Variants in SMIM14 observed in about 807,000 individuals in gnomAD.
The protein encoded by SMIM14 is chromosome 4 open reading frame 34.
In SMIM14, 5 loss-of-function variants were observed where a neutral mutation model predicts 12.6. That is an observed-to-expected ratio of 0.40 (90% CI 0.21 to 0.83). SMIM14 has a LOEUF of 0.83. Among genes scored for constraint, SMIM14 ranks in the 40% least tolerant of loss-of-function variants. SMIM14 has a pLI of 0.37. For missense variants in SMIM14, 86 were observed against 119.1 expected, an observed-to-expected ratio of 0.72 and a Z score of 1.29; for synonymous variants, 30 against 40.1, an observed-to-expected ratio of 0.75 and a Z score of 0.95.
chr4:39,552,491 C>T (rs1711768927), intron 4 of SMIM14, among the ~76,000 whole-genome samples: 1 of 152,160 alleles, frequency 6.6e-6, no homozygotes, highest in African/African-American at 2.4e-5. Flanking sequence ...GATCTTCAAA[C>T]CTATGAAAAT....
intron 3 of SMIM14, among the ~76,000 whole-genome samples, chr4:39,564,839 A>G (rs980547033): frequency 2.0e-5 from 3 of 152,168 alleles, no homozygotes; most frequent in African/African-American, 7.2e-5. Context: ...CTGATTCAGG[A>G]GCCTGTGGGA....
intron 3 of SMIM14, among the ~76,000 whole-genome samples, chr4:39,565,686 T>G (rs1178338293): frequency 6.6e-6 from 1 of 152,190 alleles, no homozygotes; most frequent in Non-Finnish European, 1.5e-5. Flanking sequence ...AACCACTCCA[T>G]CTGTTGTGTT....
intron 1 of SMIM14, among the ~76,000 whole-genome samples, chr4:39,630,550 G>C (rs999724530): frequency 6.6e-6 from 1 of 152,088 alleles, no homozygotes; most frequent in Non-Finnish European, 1.5e-5. Flanking sequence ...AAAATGCTTA[G>C]AACTACTGTG....
At chr4:39,575,367 T>G (rs902958865) in intron 2 of SMIM14, among the ~76,000 whole-genome samples, 3 of 151,642 alleles carry the variant, frequency 2.0e-5, no homozygotes, top group African/African-American at 7.3e-5. Flanking sequence ...TTTTAAAAAA[T>G]TAATTTTAAT....
At position 39,558,290 on chromosome 4, in the gene SMIM14, C is replaced by A. The variant is rs1360708218; in HGVS notation, c.125-1720G>T. Among the ~76,000 whole-genome samples the A allele has an allele frequency of 6.6e-6, 1 of 152,188 alleles. No homozygotes were observed. Among genetic ancestry groups the A allele is most frequent in the African/African-American group, 2.4e-5 (1 of 41,446 alleles). ...ATTGCTTGAGCTCAGGAATTCGAGA[C>A]CAGCCTGGGCGATATGGTGAAACCC... On this transcript the variant is annotated intron_variant, in intron 3 of 4. Coordinates refer to ENST00000295958, the MANE Select transcript of SMIM14 (RefSeq NM_174921.3). This position sits in a 1 kb window ranked among gnomAD's most constrained non-coding sequence, Gnocchi z 4.3.
At chr4:39,571,589 A>T (rs9994559) in intron 3 of SMIM14, among the ~76,000 whole-genome samples, 2,365 of 151,924 alleles carry the variant, frequency 0.016, 49 homozygotes, top group African/African-American at 0.054. Context: ...TTAAAAAAAA[A>T]TTTTTTTAAA....
chr4:39,586,922 G>C (rs1034088809), intron 2 of SMIM14, among the ~76,000 whole-genome samples: 2 of 151,916 alleles, frequency 1.3e-5, no homozygotes, highest in Non-Finnish European at 2.9e-5. Flanking sequence ...TGTAGATAGA[G>C]GTCTTCTTCC....
At chr4:39,576,654 GTATGTGTA>G (rs1358451050) in intron 2 of SMIM14, among the ~76,000 whole-genome samples, 1 of 21,996 alleles carries the variant, frequency 4.5e-5, no homozygotes, top group African/African-American at 1.3e-4. Context: ...ATGTGTGTGT[GTATGTGTA>G]TATATATATA....
At position 39,567,758 on chromosome 4, in the gene SMIM14, T is replaced by G. The variant is rs531147565; in HGVS notation, c.124+4657A>C. On this transcript the variant is annotated intron_variant, in intron 3 of 4. Coordinates refer to ENST00000295958, the MANE Select transcript of SMIM14 (RefSeq NM_174921.3). The stretch of plus-strand genomic sequence containing the variant: ...GTCTCAAAAGAAAGGAAAAAAAAAA[T>G]TAGCTGGGCATGGTTGTATGCTCCT... 4.0e-3 allele frequency among the ~76,000 whole-genome samples: 610 copies of G among 151,278 alleles called. 13 individuals carry two copies. The highest frequency in any genetic ancestry group is 2.1e-3 in the Non-Finnish European group (143 of 67,730).
chr4:39,626,484 A>C (rs1316085287), intron 1 of SMIM14, among the ~76,000 whole-genome samples: 2 of 152,250 alleles, frequency 1.3e-5, no homozygotes, highest in East Asian at 3.9e-4. Context: ...GTGGGATTCA[A>C]ACGCCCTGTC....
intron 2 of SMIM14, among the ~76,000 whole-genome samples, chr4:39,573,402 T>C (rs1713001167): frequency 6.6e-6 from 1 of 152,110 alleles, no homozygotes; most frequent in Non-Finnish European, 1.5e-5. Context: ...CCGTGACCCA[T>C]GTTTTGGTTT....
intron 2 of SMIM14, among the ~76,000 whole-genome samples, chr4:39,597,809 T>G (rs1332425063): frequency 1.3e-5 from 2 of 152,154 alleles, no homozygotes; most frequent in African/African-American, 2.4e-5. Flanking sequence ...TTTTATTTTC[T>G]TCAACTACTT....
intron 2 of SMIM14, among the ~76,000 whole-genome samples, chr4:39,573,897 G>T (rs983191563): frequency 1.3e-5 from 2 of 152,110 alleles, no homozygotes; most frequent in East Asian, 1.9e-4. Flanking sequence ...TTAGAATCAT[G>T]TGATTATCAA....
chr4:39,586,139 A>T (rs1201305948), intron 2 of SMIM14, among the ~76,000 whole-genome samples: 2 of 152,086 alleles, frequency 1.3e-5, no homozygotes, highest in African/African-American at 4.8e-5. Flanking sequence ...TTAGTCTACC[A>T]TACCTTTAGT....
intron 3 of SMIM14, among the ~76,000 whole-genome samples, chr4:39,566,520 C>G (rs537573443): frequency 1.3e-5 from 2 of 152,006 alleles, no homozygotes; most frequent in East Asian, 1.9e-4. Context: ...ACAGACGCAC[C>G]GAGAAAGAAG....
chr4:39,620,863 C>T (rs963095802), intron 1 of SMIM14: 2 of 152,148 alleles, frequency 1.3e-5, no homozygotes, highest in Non-Finnish European at 2.9e-5. Flanking sequence ...CACACACATA[C>T]ATAATTACAA....
intron 3 of SMIM14, among the ~76,000 whole-genome samples, chr4:39,559,628 T>C (rs1348906542): frequency 1.3e-5 from 2 of 152,064 alleles, no homozygotes; most frequent in Non-Finnish European, 2.9e-5. Context: ...GGGAAGGAAT[T>C]GGTGGCACTG....
chr4:39,584,093 G>A (rs1386231299), intron 2 of SMIM14: 1 of 151,914 alleles, frequency 6.6e-6, no homozygotes. Context: ...CATCTCTGCA[G>A]AAGCCCAGTG....
At chr4:39,592,561 T>C (rs1310272297) in intron 2 of SMIM14, 1 of 152,160 alleles carries the variant, frequency 6.6e-6, no homozygotes, top group African/African-American at 2.4e-5. Context: ...TACCAATTTA[T>C]AAATCAAGGT....
Sources: allele counts gnomAD v4.1 joint callset (sites outside exome capture counted in the v4.1 genomes callset), GRCh38; gene constraint gnomAD v4.1.1; non-coding constraint Gnocchi (gnomAD v3.1); transcripts MANE v1.5; gene names NCBI Gene and HGNC (gene_info 2026-07-23, HGNC 2026-07-21).